GPC5: variants seen among roughly 807,000 people sequenced by gnomAD.
The protein encoded by GPC5 is glypican 5, also known as glypican-5.
A neutral mutation model predicts 53.9 loss-of-function variants in GPC5; 47 were observed. The ratio of observed to expected loss-of-function variants is 0.87; its 90% confidence interval spans 0.69 to 1.11. The LOEUF is 1.11. Among genes scored for constraint, GPC5 ranks in the 50% most tolerant of loss-of-function variants. The probability of loss-of-function intolerance (pLI) is 0.00; values close to 1 mark genes in which losing one functional copy is unlikely to be tolerated. For synonymous variants in GPC5, 286 were observed against 263.3 expected, an observed-to-expected ratio of 1.09 and a Z score of -0.84; for missense variants, 748 against 713.1, an observed-to-expected ratio of 1.05 and a Z score of -0.56.
chr13:91,812,611 A>G (rs2038330747), intron 5 of GPC5, among the ~76,000 whole-genome samples: 1 of 152,026 alleles, frequency 6.6e-6, no homozygotes, highest in African/African-American at 2.4e-5. Flanking sequence ...CCAATCCAGC[A>G]TTTTTCTAGT....
At chr13:91,997,953 A>G (rs1043808869) in intron 6 of GPC5, among the ~76,000 whole-genome samples, 1 of 152,240 alleles carries the variant, frequency 6.6e-6, no homozygotes, top group Non-Finnish European at 1.5e-5. Flanking sequence ...TTTCAAGGTC[A>G]TGAAGTTATT....
At chr13:92,708,533 G>A (rs1159350906) in intron 7 of GPC5, among the ~76,000 whole-genome samples, 1 of 152,204 alleles carries the variant, frequency 6.6e-6, no homozygotes, top group Admixed American at 6.5e-5. Flanking sequence ...CAATGGATAA[G>A]TCAAAAGTCT....
chr13:91,628,705 C>T lies in GPC5; in HGVS notation c.326-64482C>T, dbSNP rs77110746. ...AATTTCTCTGTCTCAGTTGCTTTAT[C>T]AATAAATAACAATAAGATAATAACT... is the stretch of plus-strand genomic sequence containing the variant. On this transcript the variant is annotated intron_variant, in intron 2 of 7. Coordinates refer to ENST00000377067, the MANE Select transcript of GPC5 (RefSeq NM_004466.6). Among the ~76,000 whole-genome samples, 1,518 of 152,178 alleles carry T rather than the reference C, an allele frequency of 1.0e-2. 25 individuals are homozygous for T. Among genetic ancestry groups the T allele is most frequent in the African/African-American group, 0.034 (1,403 of 41,528 alleles).
At chr13:91,526,799 G>A (rs1044357712) in intron 2 of GPC5, among the ~76,000 whole-genome samples, 3 of 152,172 alleles carry the variant, frequency 2.0e-5, no homozygotes, top group African/African-American at 2.4e-5. Context: ...GAAGCCTCAG[G>A]AAACTTGCAA....
chr13:92,397,391 A>C (rs1399393663), intron 7 of GPC5, among the ~76,000 whole-genome samples: 1 of 152,220 alleles, frequency 6.6e-6, no homozygotes, highest in Non-Finnish European at 1.5e-5. Flanking sequence ...GCCACTGTGG[A>C]AGATACGCCT....
At chr13:91,679,893 G>T (rs967077570) in intron 2 of GPC5, among the ~76,000 whole-genome samples, 1 of 151,306 alleles carries the variant, frequency 6.6e-6, no homozygotes, top group African/African-American at 2.4e-5. Context: ...TTGCAATTGA[G>T]TTGCAAGCTG....
At chr13:91,832,021 C>G (rs1399911389) in intron 5 of GPC5, among the ~76,000 whole-genome samples, 2 of 151,814 alleles carry the variant, frequency 1.3e-5, no homozygotes, top group East Asian at 3.9e-4. Context: ...CCTTGTTAAC[C>G]TTCTGTCTCA....
At chr13:91,428,371 G>A (rs1879203683) in intron 1 of GPC5, among the ~76,000 whole-genome samples, 1 of 152,156 alleles carries the variant, frequency 6.6e-6, no homozygotes, top group Non-Finnish European at 1.5e-5. Context: ...TTAGAATAGG[G>A]AAATGCATGC....
Position 91,778,378 on chromosome 13 carries a change from C to T in GPC5, c.1280+21958C>T, listed in dbSNP as rs188298483. ...AGTTGGTCTCCATCTTCTTCACTTT[C>T]AGATTCAATGGTTATAAGTTTCGTG... On this transcript the variant is annotated intron_variant, in intron 5 of 7. Coordinates refer to ENST00000377067, the MANE Select transcript of GPC5 (RefSeq NM_004466.6). Among the ~76,000 whole-genome samples the T allele has an allele frequency of 4.6e-5, 7 of 152,272 alleles. No individual in the cohort carries two copies. The East Asian group carries it at 1.4e-3, about 29-fold the overall frequency.
intron 7 of GPC5, among the ~76,000 whole-genome samples, chr13:92,297,881 C>T (rs2043048477): frequency 6.6e-6 from 1 of 152,098 alleles, no homozygotes; most frequent in Non-Finnish European, 1.5e-5. Flanking sequence ...GTAACACTCA[C>T]CGCGAAGATC....
intron 7 of GPC5, among the ~76,000 whole-genome samples, chr13:92,553,047 G>A (rs935560903): frequency 6.6e-6 from 1 of 151,798 alleles, no homozygotes; most frequent in Non-Finnish European, 1.5e-5. Context: ...TCTAGAATAG[G>A]TATCTACATA....
chr13:92,311,364 G>T (rs1010021565), intron 7 of GPC5, among the ~76,000 whole-genome samples: 1 of 152,000 alleles, frequency 6.6e-6, no homozygotes, highest in Non-Finnish European at 1.5e-5. Context: ...TTCTGCTAGA[G>T]GAATTAGGTA....
intron 7 of GPC5, among the ~76,000 whole-genome samples, chr13:92,673,041 G>T (rs1268618983): frequency 6.6e-6 from 1 of 151,780 alleles, no homozygotes; most frequent in Non-Finnish European, 1.5e-5. Context: ...TAAAATAAAA[G>T]TTTAAAAAGA....
chr13:91,755,150 A>C (rs557599181), intron 4 of GPC5, among the ~76,000 whole-genome samples: 1 of 152,104 alleles, frequency 6.6e-6, no homozygotes, highest in African/African-American at 2.4e-5. Context: ...ATAATAGGAG[A>C]GAGAACTAAA....
intron 7 of GPC5, among the ~76,000 whole-genome samples, chr13:92,458,957 T>C (rs960740823): frequency 6.6e-6 from 1 of 152,162 alleles, no homozygotes; most frequent in Non-Finnish European, 1.5e-5. Context: ...ATTTGAATAA[T>C]GCTGTTTTTA....
intron 2 of GPC5, among the ~76,000 whole-genome samples, chr13:91,478,896 T>TATATATACACAC (rs1883139940): frequency 1.0e-5 from 1 of 99,338 alleles, no homozygotes; most frequent in Admixed American, 9.5e-5. Context: ...TATATATATA[T>TATATATACACAC]ATATATGCAC....
chr13:92,266,978 C>G (rs2042806570), intron 7 of GPC5, among the ~76,000 whole-genome samples: 1 of 151,774 alleles, frequency 6.6e-6, no homozygotes, highest in African/African-American at 2.4e-5. Flanking sequence ...TTTTTGTGTC[C>G]TCCCACCAAA....
chr13:91,403,094 A>G (rs942639122), intron 1 of GPC5, among the ~76,000 whole-genome samples: 2 of 152,044 alleles, frequency 1.3e-5, no homozygotes, highest in Non-Finnish European at 2.9e-5. Context: ...TGAAATTGCG[A>G]CTCTATTTCT....
chr13:91,832,784 A>C (rs2038677479), intron 5 of GPC5, among the ~76,000 whole-genome samples: 1 of 152,174 alleles, frequency 6.6e-6, no homozygotes, highest in African/African-American at 2.4e-5. Flanking sequence ...CCCACAAGAG[A>C]AAGCAGGAAA....
Sources: gnomAD v4.1 joint callset for allele counts (sites outside exome capture counted in the v4.1 genomes callset) on GRCh38, gnomAD v4.1.1 for gene constraint, MANE v1.5 for transcripts, NCBI Gene and HGNC (gene_info 2026-07-23, HGNC 2026-07-21) for gene names.